FAM193A: variants seen among roughly 807,000 people sequenced by gnomAD.
FAM193A encodes family with sequence similarity 193 member A.
In FAM193A, 22 loss-of-function variants were observed where a neutral mutation model predicts 126.5. The observed-to-expected ratio is 0.17, with a 90% CI of 0.12 to 0.25. The LOEUF (loss-of-function observed/expected upper bound fraction) is 0.25. Among genes scored for constraint, FAM193A ranks in the 10% least tolerant of loss-of-function variants. The pLI is 1.00. For synonymous variants in FAM193A, 761 were observed against 646.8 expected, an observed-to-expected ratio of 1.18 and a Z score of -2.68; for missense variants, 1,675 against 1,672.8, an observed-to-expected ratio of 1.00 and a Z score of -0.02.
intron 1 of FAM193A, among the ~76,000 whole-genome samples, chr4:2,555,700 C>G (rs1031655628): frequency 1.3e-5 from 2 of 152,146 alleles, no homozygotes; most frequent in Admixed American, 1.3e-4. Context: ...TCGCCGCAAG[C>G]TCTGCCTCCC....
At chr4:2,687,477 G>A (rs1309282846) in intron 13 of FAM193A, among the ~76,000 whole-genome samples, 6 of 152,140 alleles carry the variant, frequency 3.9e-5, no homozygotes, top group Non-Finnish European at 7.3e-5. Flanking sequence ...GCTGGCATCC[G>A]AGCTCGCCAG....
chr4:2,628,747 C>T (rs16843174), intron 4 of FAM193A, among the ~76,000 whole-genome samples: 10,165 of 152,242 alleles, frequency 0.067, 596 homozygotes, highest in African/African-American at 0.15. Context: ...AACTTCAGTA[C>T]TTTAGAGTAG....
chr4:2,681,106 T>C (rs563414730), intron 13 of FAM193A, among the ~76,000 whole-genome samples: 4 of 152,194 alleles, frequency 2.6e-5, no homozygotes, highest in African/African-American at 9.6e-5. Context: ...TCTCCTGTGT[T>C]AGCCTCCCAA....
intron 1 of FAM193A, among the ~76,000 whole-genome samples, chr4:2,549,153 C>T (rs1465115301): frequency 6.6e-6 from 1 of 150,972 alleles, no homozygotes; most frequent in African/African-American, 2.4e-5. Flanking sequence ...TGGCCATGCT[C>T]GTCTTGAACT....
chr4:2,637,058 G>A (rs1036912543), intron 5 of FAM193A, among the ~76,000 whole-genome samples: 3 of 152,160 alleles, frequency 2.0e-5, no homozygotes, highest in African/African-American at 7.2e-5. Flanking sequence ...TGGGCATGGT[G>A]GCCCACACCT....
intron 2 of FAM193A, chr4:2,607,743 A>G (rs1741629966): frequency 8.9e-6 from 4 of 447,014 alleles, no homozygotes; most frequent in South Asian, 5.6e-5. Context: ...GCTCTAGGCT[A>G]TGCTGGACCA....
At chr4:2,649,392 G>C (rs1258483172) in intron 7 of FAM193A, among the ~76,000 whole-genome samples, 1 of 135,828 alleles carries the variant, frequency 7.4e-6, no homozygotes, top group African/African-American at 2.8e-5. Context: ...AAAAAAAAAA[G>C]CCAGGCTTAG....
intron 4 of FAM193A, among the ~76,000 whole-genome samples, chr4:2,630,251 A>G (rs1333202139): frequency 6.6e-6 from 1 of 151,014 alleles, no homozygotes. Flanking sequence ...GTCATGTTGC[A>G]TGTATTTTTT....
chr4:2,627,662 C>G (rs921236012), intron 4 of FAM193A, among the ~76,000 whole-genome samples: 1 of 145,660 alleles, frequency 6.9e-6, no homozygotes, highest in Non-Finnish European at 1.5e-5. Context: ...ACTGCAACCT[C>G]TGCTGCCTGA....
At chr4:2,636,516 C>G (rs1299784253) in intron 5 of FAM193A, among the ~76,000 whole-genome samples, 4 of 152,108 alleles carry the variant, frequency 2.6e-5, no homozygotes, top group East Asian at 3.8e-4. Context: ...TCCACAGGCT[C>G]CAGCTCACCC....
At chr4:2,562,123 A>C (rs1391134314) in intron 1 of FAM193A, among the ~76,000 whole-genome samples, 2 of 152,062 alleles carry the variant, frequency 1.3e-5, no homozygotes, top group Non-Finnish European at 2.9e-5. Context: ...ACTTTATGAT[A>C]ATTGTAATTG....
chr4:2,639,703 C>G (rs1486482761), intron 5 of FAM193A, 32 bp from the exon 6 acceptor site: 13 of 1,590,620 alleles, frequency 8.2e-6, no homozygotes, highest in Non-Finnish European at 1.1e-5. Flanking sequence ...TTCACTACAT[C>G]TTCTGTTTAT....
chr4:2,575,192 G>T (rs983577896), intron 1 of FAM193A, among the ~76,000 whole-genome samples: 1 of 152,160 alleles, frequency 6.6e-6, no homozygotes, highest in African/African-American at 2.4e-5. Flanking sequence ...AGAGGCCTAT[G>T]CCCCAAGAAA....
chr4:2,552,742 T>C (rs1257896639), intron 1 of FAM193A, among the ~76,000 whole-genome samples: 2 of 151,626 alleles, frequency 1.3e-5, no homozygotes, highest in African/African-American at 4.8e-5. Flanking sequence ...TTTCACCGTG[T>C]TAGCCAGGAT....
chr4:2,714,464 T>G (rs1719330019), intron 19 of FAM193A, among the ~76,000 whole-genome samples: 1 of 152,026 alleles, frequency 6.6e-6, no homozygotes, highest in Non-Finnish European at 1.5e-5. Context: ...AGGTTGACTT[T>G]CCCAGGCCTT....
At chr4:2,549,884 C>T (rs1324321165) in intron 1 of FAM193A, among the ~76,000 whole-genome samples, 2 of 151,462 alleles carry the variant, frequency 1.3e-5, no homozygotes, top group Non-Finnish European at 2.9e-5. Flanking sequence ...TGCACCACTG[C>T]ACCTGGCTAA....
chr4:2,663,086 A>G (rs1431244005), intron 11 of FAM193A, 23 bp from the exon 12 acceptor site: 1 of 1,604,138 alleles, frequency 6.2e-7, no homozygotes, highest in Admixed American at 1.7e-5. Context: ...AAAAGTGCAA[A>G]TTACAAAAGA....
At chr4:2,686,542 C>T (rs943517637) in intron 13 of FAM193A, among the ~76,000 whole-genome samples, 1 of 151,420 alleles carries the variant, frequency 6.6e-6, no homozygotes, top group African/African-American at 2.5e-5. Context: ...TTAAATGAGC[C>T]CACGGGTGGT....
At chr4:2,553,330 C>G (rs921656726) in intron 1 of FAM193A, among the ~76,000 whole-genome samples, 1 of 151,576 alleles carries the variant, frequency 6.6e-6, no homozygotes, top group East Asian at 1.9e-4. Flanking sequence ...GTCCACATAG[C>G]AAGATCCCGT....
Sources: allele counts gnomAD v4.1 joint callset (sites outside exome capture counted in the v4.1 genomes callset), GRCh38; gene constraint gnomAD v4.1.1; transcripts MANE v1.5; gene names NCBI Gene and HGNC (gene_info 2026-07-23, HGNC 2026-07-21).